Variants in SLC25A1 observed in about 807,000 individuals in gnomAD.
SLC25A1 encodes the protein solute carrier family 25 member 1, also known as tricarboxylate transport protein, mitochondrial.
A neutral mutation model predicts 38.1 loss-of-function variants in SLC25A1; 26 were observed. That is an observed-to-expected ratio of 0.68 (90% CI 0.50 to 0.95). The LOEUF (loss-of-function observed/expected upper bound fraction) is 0.95. Ranked by LOEUF, SLC25A1 falls within the 40% of genes least tolerant of loss-of-function variation. SLC25A1 has a pLI of 0.00. For synonymous variants in SLC25A1, 211 were observed against 183.2 expected (o/e 1.15, Z -1.23); for missense variants, 378 against 426.6 (o/e 0.89, Z 1.00).
Position 19,177,757 on chromosome 22 carries a change from C to T in SLC25A1, c.411G>A (p.Val137=), listed in dbSNP as rs1555922926. Residue 137 remains valine (V), a synonymous_variant, in exon 4 of 9, where the codon GTG becomes GTA. Transcript: ENST00000215882. ...CGLGAGVAEA[V]VVVCPMETIK... ...TGGTCTCCATGGGGCACACGACCAC[C>T]ACGGCCTCGGCCACGCCAGCGCCCA... 6.2e-7 allele frequency: 1 copy of T among 1,609,316 alleles called. No individual in the cohort carries two copies. The highest frequency in any genetic ancestry group is 8.5e-7 in the Non-Finnish European group (1 of 1,179,570).
At chr22:19,177,609 C>T in intron 4 of SLC25A1, 118 bp downstream of exon 4, 3 of 1,427,742 alleles carry the variant, frequency 2.1e-6, no homozygotes, top group Non-Finnish European at 2.8e-6. Context: ...CGCCGGCCTT[C>T]CCTGGCGTCC....
intron 6 of SLC25A1, 28 bp downstream of exon 6, chr22:19,176,818 G>C: frequency 6.2e-7 from 1 of 1,610,662 alleles, no homozygotes; most frequent in South Asian, 1.1e-5. Flanking sequence ...GCCATGTGCA[G>C]AGATGGGGCC....
chr22:19,176,642 G>C lies in SLC25A1; in HGVS notation c.683C>G (p.Ala228Gly). 6.2e-7 allele frequency: 1 copy of C among 1,613,996 alleles called. No homozygotes were observed. The highest frequency in any genetic ancestry group is 8.5e-7 in the Non-Finnish European group (1 of 1,180,016). ...AAAGACACTGGCTGCGCCTGCAATA[G>C]CTCCGAAGACCCCAGTGATCAGAGG... is the stretch of plus-strand genomic sequence containing the variant. ...MNPLITGVFG[A>G]IAGAASVFGN... The change falls in exon 7 of 9, where the codon GCT (alanine) becomes GGT (glycine). Residue 228 changes from alanine (A) to glycine (G), a missense_variant. Physicochemically the swap from Ala to Gly is moderately conservative, Grantham distance 60. Coordinates refer to ENST00000215882, the MANE Select transcript of SLC25A1 (RefSeq NM_005984.5).
intron 7 of SLC25A1, 32 bp downstream of exon 7, chr22:19,176,546 C>CCCCCTTCCCCT: frequency 6.2e-7 from 1 of 1,611,234 alleles, no homozygotes; most frequent in African/African-American, 1.3e-5. Flanking sequence ...TGGCCTGGTC[C>CCCCCTTCCCCT]CCCCTTCCCC....
Position 19,177,169 on chromosome 22 carries a change from G to A in SLC25A1, c.477C>T (p.Pro159=). Residue 159 remains proline, a synonymous_variant, in exon 5 of 9, where the codon CCC becomes CCT. Coordinates refer to ENST00000215882, the MANE Select transcript of SLC25A1 (RefSeq NM_005984.5). ...CCCCGTGGAAGAATCCTCTGTACTT[G>A]GGGTTTGGGGAGGTCTGGTCGTGGA... is the stretch of plus-strand genomic sequence containing the variant. ...KFIHDQTSPN[P]KYRGFFHGVR... is the part of the protein sequence containing the mutation. The A allele has an allele frequency of 6.2e-7, 1 of 1,614,056 alleles. No homozygotes were observed. Among genetic ancestry groups the A allele is most frequent in the East Asian group, 2.2e-5 (1 of 44,868 alleles).
Position 19,177,193 on chromosome 22 carries a change from G to A in SLC25A1, c.453C>T (p.Ile151=), listed in dbSNP as rs782711211. 5 of 1,613,918 alleles carry A rather than the reference G, an allele frequency of 3.1e-6. No homozygotes were observed. The highest frequency in any genetic ancestry group is 4.2e-6 in the Non-Finnish European group (5 of 1,179,850). The change falls in exon 5 of 9, where the codon ATC becomes ATT. Residue 151 remains isoleucine, a synonymous_variant. Transcript: ENST00000215882. The part of the protein sequence containing the change: ...CPMETIKVKF[I]HDQTSPNPKY... Reference sequence around the variant, plus strand: ...TGGGGTTTGGGGAGGTCTGGTCGTGGATGAACTTCACCTGAGAGAGAGAAG... The same window carrying A: ...TGGGGTTTGGGGAGGTCTGGTCGTGAATGAACTTCACCTGAGAGAGAGAAG...
In SLC25A1 at chr22:19,178,039, C is replaced by A. The variant is rs2083996886; in HGVS notation, c.205G>T (p.Asp69Tyr). ...CTGCGAACCGTCTGCCGCACGCAGT[C>A]CCCTGGGGGAGGGGGCGGTCAGGAC... ...SHPPRYRGIG[D>Y]CVRQTVRSHG... The change falls in exon 3 of 9, where the codon GAC becomes TAC. Residue 69 changes from aspartate to tyrosine, a missense_variant and splice_region_variant. Coordinates refer to ENST00000215882, the MANE Select transcript of SLC25A1 (RefSeq NM_005984.5). This position sits in a 1 kb window ranked among gnomAD's most constrained non-coding sequence, Gnocchi z 4.9. 1.3e-6 allele frequency: 2 copies of A among 1,587,584 alleles called. No individual in the cohort carries two copies. Among genetic ancestry groups the A allele is most frequent in the Non-Finnish European group, 1.7e-6 (2 of 1,169,566 alleles).
rs782491754 is a variant in SLC25A1 at position 19,177,721 on chromosome 22, C to T, written c.441+6G>A. 1 of 1,606,492 alleles carries T rather than the reference C, an allele frequency of 6.2e-7. No individual in the cohort carries two copies. Among genetic ancestry groups the T allele is most frequent in the African/African-American group, 1.3e-5 (1 of 74,838 alleles). ...TGTCCGGGGTCCTCGCCAGGACCTT[C>T]CCCACCTTGATGGTCTCCATGGGGC... On this transcript the variant is annotated splice_donor_region_variant and intron_variant, in intron 4 of 8. Coordinates refer to ENST00000215882, the MANE Select transcript of SLC25A1 (RefSeq NM_005984.5).
At chr22:19,177,099 C>G (rs782360904) in intron 5 of SLC25A1, 21 bp downstream of exon 5, 7 of 1,612,220 alleles carry the variant, frequency 4.3e-6, no homozygotes, top group South Asian at 2.2e-5. Context: ...TGAGCCCTAT[C>G]AGGAAGGTCG....
intron 8 of SLC25A1, 70 bp downstream of exon 8, chr22:19,176,351 G>C: frequency 6.4e-7 from 1 of 1,569,296 alleles, no homozygotes; most frequent in Non-Finnish European, 8.8e-7. Flanking sequence ...GAAGGGGACA[G>C]AGTGGGCAGG....
rs1405989750 is a variant in SLC25A1, at chr22:19,178,510, CGG to C, written c.94+68_94+69del. On this transcript the variant is annotated intron_variant, in intron 1 of 8. Transcript: ENST00000215882. This position sits in a 1 kb window ranked among gnomAD's most constrained non-coding sequence, Gnocchi z 4.9. ...CCCACGGCCCAACCCGGAAGTGGGG[CGG>C]GGCCTCAGCGTCCCGGGCCCACCCA... 7.6e-7 allele frequency: 1 copy of C among 1,313,198 alleles called. No homozygotes were observed. Among genetic ancestry groups the C allele is most frequent in the Non-Finnish European group, 9.7e-7 (1 of 1,035,168 alleles). The allele number at this position is 1,313,198 out of a possible 1,614,324, so 81.3% of individuals were successfully genotyped here.
chr22:19,177,296 G>C, intron 4 of SLC25A1, 92 bp from the exon 5 acceptor site: 1 of 1,020,360 alleles, frequency 9.8e-7, no homozygotes, highest in East Asian at 2.5e-5. Flanking sequence ...AGGGTGGAGG[G>C]AACTGGGAAC....
Position 19,175,766 on chromosome 22 carries a change from G to A in SLC25A1, c.*364C>T, listed in dbSNP as rs149801991. 5.0e-4 allele frequency: 138 copies of A among 274,942 alleles called. 1 individual carries two copies. Among genetic ancestry groups the A allele is most frequent in the African/African-American group, 3.0e-3 (134 of 45,002 alleles). 17.0% of individuals were successfully genotyped at this position (274,942 alleles called of 1,614,324 possible). A position where few individuals can be genotyped will look rare whatever the true frequency, so the allele number is the denominator to read the frequency against. ...CCGGAGGCAGCTGTGGTAGGCCAGG[G>A]CAGGGTGGAAGGCACCGGACTGGGA... On this transcript the variant is annotated 3_prime_UTR_variant, in exon 9 of 9. Transcript: ENST00000215882.
In SLC25A1 at chr22:19,178,323, G is replaced by C. The variant is rs1223610911; in HGVS notation, c.95-83C>G. On this transcript the variant is annotated intron_variant, in intron 1 of 8. Coordinates refer to ENST00000215882, the MANE Select transcript of SLC25A1 (RefSeq NM_005984.5). This position sits in a 1 kb window ranked among gnomAD's most constrained non-coding sequence, Gnocchi z 4.9. ...CCTCCCCCGTCCCGGACTTCGGTCG[G>C]CGCGGCCGCCGCGCCAGTGCCGCGG... 4 of 1,522,298 alleles carry C rather than the reference G, an allele frequency of 2.6e-6. No individual in the cohort carries two copies. Among genetic ancestry groups the C allele is most frequent in the Non-Finnish European group, 3.5e-6 (4 of 1,135,598 alleles). 94.3% of individuals were successfully genotyped at this position (1,522,298 alleles called of 1,614,324 possible). A position where few individuals can be genotyped will look rare whatever the true frequency, so the allele number is the denominator to read the frequency against.
chr22:19,176,376 A>G, intron 8 of SLC25A1, 45 bp downstream of exon 8: 2 of 1,601,602 alleles, frequency 1.2e-6, no homozygotes, highest in South Asian at 2.2e-5. Flanking sequence ...GTAGGCCGGG[A>G]AAGGTTTGAG....
Position 19,178,344 on chromosome 22 carries a change from C to G in SLC25A1, c.95-104G>C. On this transcript the variant is annotated intron_variant, in intron 1 of 8. Coordinates refer to ENST00000215882, the MANE Select transcript of SLC25A1 (RefSeq NM_005984.5). This position sits in a 1 kb window ranked among gnomAD's most constrained non-coding sequence, Gnocchi z 4.9. ...GTCGGCGCGGCCGCCGCGCCAGTGC[C>G]GCGGGGAACATAGGCTGGGGCCCCA... The G allele has an allele frequency of 1.3e-6, 2 of 1,505,496 alleles. No homozygotes were observed. Among genetic ancestry groups the G allele is most frequent in the Non-Finnish European group, 1.8e-6 (2 of 1,129,152 alleles). 93.3% of individuals were successfully genotyped at this position (1,505,496 alleles called of 1,614,324 possible).
rs2083988227 is a variant in SLC25A1 at position 19,177,783 on chromosome 22, G to C, written c.385C>G (p.Leu129Val). The change falls in exon 4 of 9, where the codon CTG (leucine) becomes GTG (valine). Residue 129 changes from leucine to valine, a missense_variant. Leu to Val is a conservative substitution (Grantham distance 32). Coordinates refer to ENST00000215882, the MANE Select transcript of SLC25A1 (RefSeq NM_005984.5). ...ACGGCCTCGGCCACGCCAGCGCCCAGGCCGCACAGCAGCCCACGCGTGCTG... is the reference window on the plus strand; with the variant it reads ...ACGGCCTCGGCCACGCCAGCGCCCACGCCGCACAGCAGCCCACGCGTGCTG... The part of the protein sequence containing the change: ...LDSTRGLLCG[L>V]GAGVAEAVVV... 1.2e-6 allele frequency: 2 copies of C among 1,610,582 alleles called. No individual in the cohort carries two copies. The highest frequency in any genetic ancestry group is 2.2e-5 in the East Asian group (1 of 44,852).
In SLC25A1 at chr22:19,178,441, G is replaced by T; in HGVS notation, c.94+139C>A. 7.3e-7 allele frequency: 1 copy of T among 1,371,140 alleles called. No individual in the cohort carries two copies. The highest frequency in any genetic ancestry group is 9.4e-7 in the Non-Finnish European group (1 of 1,068,962). The allele number at this position is 1,371,140 out of a possible 1,614,324, so 84.9% of individuals were successfully genotyped here. ...ACAGACGGGAGGCGGGCGAGTCCCAGCGCGCCGGGTGGGGACCAGGACCGC... is the reference window on the plus strand; with the variant it reads ...ACAGACGGGAGGCGGGCGAGTCCCATCGCGCCGGGTGGGGACCAGGACCGC... On this transcript the variant is annotated intron_variant, in intron 1 of 8. Coordinates refer to ENST00000215882, the MANE Select transcript of SLC25A1 (RefSeq NM_005984.5). This position sits in a 1 kb window ranked among gnomAD's most constrained non-coding sequence, Gnocchi z 4.9.
rs781925968 is a variant in SLC25A1 at position 19,176,899 on chromosome 22, G to C, written c.578C>G (p.Ser193Trp). Residue 193 changes from serine to tryptophan, a missense_variant, in exon 6 of 9, where the codon TCG becomes TGG. Coordinates refer to ENST00000215882, the MANE Select transcript of SLC25A1 (RefSeq NM_005984.5). ...GLTATVLKQG[S>W]NQAIRFFVMT... ...GACGAAGAAGCGGATGGCCTGGTTCGAGCCCTGCTTCAGGACAGTGGCTGT... is the reference window on the plus strand; with the variant it reads ...GACGAAGAAGCGGATGGCCTGGTTCCAGCCCTGCTTCAGGACAGTGGCTGT... 4 of 1,613,790 alleles carry C rather than the reference G, an allele frequency of 2.5e-6. No homozygotes were observed. The highest frequency in any genetic ancestry group is 1.7e-4 in the Middle Eastern group (1 of 6,060).
Sources: allele counts gnomAD v4.1 joint callset, GRCh38; gene constraint gnomAD v4.1.1; non-coding constraint Gnocchi (gnomAD v3.1); transcripts MANE v1.5; gene names NCBI Gene and HGNC (gene_info 2026-07-23, HGNC 2026-07-21).